TNRC18: variants seen among roughly 807,000 people sequenced by gnomAD.
TNRC18 encodes trinucleotide repeat containing 18.
TNRC18 carries 69 observed loss-of-function variants against 226.7 expected under a neutral mutation model. The ratio of observed to expected loss-of-function variants is 0.30; its 90% confidence interval spans 0.25 to 0.37. The LOEUF is 0.37. Among genes scored for constraint, TNRC18 ranks in the 10% least tolerant of loss-of-function variants. The pLI is 1.00. For missense variants in TNRC18, 4,754 were observed against 4,256.6 expected (o/e 1.12, Z -3.25); for synonymous variants, 2,449 against 1,927.6 (o/e 1.27, Z -7.09).
chr7:5,360,495 G>A (rs1028910729), intron 14 of TNRC18, among the ~76,000 whole-genome samples: 8 of 152,174 alleles, frequency 5.3e-5, no homozygotes, highest in African/African-American at 7.2e-5. Context: ...CTCCTAAAGT[G>A]CTGGGATTAC....
rs1336026527 is a variant in TNRC18 at position 5,312,653 on chromosome 7, C to T, written c.8238G>A (p.Lys2746=). ...PLQPKAQAGA[K]SRPKKREGVH... is the part of the protein sequence containing the mutation. The stretch of plus-strand genomic sequence containing the variant: ...CGCCCTCTCTCTTCTTGGGTCGGCT[C>T]TTGGCCCCGGCCTGAGCCTTGGGCT... The change falls in exon 27 of 30, where the codon AAG becomes AAA. Residue 2746 remains lysine (K), a synonymous_variant. Coordinates refer to ENST00000430969, the MANE Select transcript of TNRC18 (RefSeq NM_001080495.3). This position sits in a 1 kb window ranked among gnomAD's most constrained non-coding sequence, Gnocchi z 6.3. 6.2e-7 allele frequency: 1 copy of T among 1,608,912 alleles called. No individual in the cohort carries two copies. The highest frequency in any genetic ancestry group is 8.5e-7 in the Non-Finnish European group (1 of 1,178,764).
At position 5,371,143 on chromosome 7, in the gene TNRC18, C is replaced by T. The variant is rs773905890; in HGVS notation, c.3451G>A (p.Glu1151Lys). Residue 1151 changes from glutamate (E) to lysine (K), a missense_variant, in exon 11 of 30, where the codon GAA becomes AAA. Physicochemically the swap from Glu to Lys is moderately conservative, Grantham distance 56. Transcript: ENST00000430969. ...TTCACCTCCCGCTCAGCCAGCGGTTCTTCCTCCGGGCCCTCCCGCAGCGGC... is the reference window on the plus strand; with the variant it reads ...TTCACCTCCCGCTCAGCCAGCGGTTTTTCCTCCGGGCCCTCCCGCAGCGGC... ...TEPLREGPEE[E>K]PLAEREVKAE... 3.7e-6 allele frequency: 6 copies of T among 1,610,630 alleles called. No individual in the cohort carries two copies. The highest frequency in any genetic ancestry group is 1.3e-5 in the African/African-American group (1 of 74,882).
Position 5,353,680 on chromosome 7 carries a change from G to A in TNRC18, c.5195-1586C>T, listed in dbSNP as rs535009473. Among the ~76,000 whole-genome samples, 4 of 152,120 alleles carry A rather than the reference G, an allele frequency of 2.6e-5. No homozygotes were observed. The South Asian group carries it at 8.3e-4, about 32-fold the overall frequency. ...CGTCCAGCTCAGCAACTCCCTGCTG[G>A]ACACACCCCTACCTCCTTGTGAACC... On this transcript the variant is annotated intron_variant, in intron 16 of 29. Coordinates refer to ENST00000430969, the MANE Select transcript of TNRC18 (RefSeq NM_001080495.3).
chr7:5,353,637 C>G (rs958224240), intron 16 of TNRC18, among the ~76,000 whole-genome samples: 2 of 151,976 alleles, frequency 1.3e-5, no homozygotes, highest in African/African-American at 2.4e-5. Context: ...AAGAGGAGAC[C>G]GTTCTCGCTT....
intron 19 of TNRC18, among the ~76,000 whole-genome samples, chr7:5,330,536 G>A (rs913070142): frequency 6.6e-6 from 1 of 151,960 alleles, no homozygotes; most frequent in African/African-American, 2.4e-5. Flanking sequence ...ACCGCAGCCA[G>A]TCTGGTGCCT....
At chr7:5,400,721 C>T (rs961903616) in intron 2 of TNRC18, among the ~76,000 whole-genome samples, 2 of 152,070 alleles carry the variant, frequency 1.3e-5, no homozygotes, top group Non-Finnish European at 2.9e-5. Context: ...TTGTATGCCA[C>T]GTGAATTTCA....
At chr7:5,397,437 G>A (rs1162985175) in intron 2 of TNRC18, among the ~76,000 whole-genome samples, 1 of 152,198 alleles carries the variant, frequency 6.6e-6, no homozygotes, top group African/African-American at 2.4e-5. Context: ...GCCCACCACA[G>A]GGCTCAATGG....
At chr7:5,420,146 G>A (rs901997369) in intron 2 of TNRC18, 2 of 334,898 alleles carry the variant, frequency 6.0e-6, no homozygotes, top group East Asian at 9.6e-5. Context: ...CTGACTGGAG[G>A]GAGAGTCTCC....
chr7:5,362,529 G>T lies in TNRC18; in HGVS notation c.4395+121C>A, dbSNP rs746845492. On this transcript the variant is annotated intron_variant, in intron 12 of 29. Coordinates refer to ENST00000430969, the MANE Select transcript of TNRC18 (RefSeq NM_001080495.3). The stretch of plus-strand genomic sequence containing the variant: ...AGCACATCAGCACAAGGAGCTGAAC[G>T]TAGCTCAGGCCTCTCTGGCGCCAAA... The T allele has an allele frequency of 2.2e-4, 211 of 939,878 alleles. 1 individual carries two copies. Among genetic ancestry groups the T allele is most frequent in the Non-Finnish European group, 3.2e-4 (204 of 647,328 alleles). 58.2% of individuals were successfully genotyped at this position (939,878 alleles called of 1,614,324 possible). A position where few individuals can be genotyped will look rare whatever the true frequency, so the allele number is the denominator to read the frequency against.
At chr7:5,407,781 A>G (rs140584860) in intron 2 of TNRC18, among the ~76,000 whole-genome samples, 225 of 152,338 alleles carry the variant, frequency 1.5e-3, no homozygotes, top group African/African-American at 5.0e-3. Context: ...GCAATCACAA[A>G]GGATTTCCCC....
Position 5,313,723 on chromosome 7 carries a change from G to C in TNRC18, c.7168C>G (p.Arg2390Gly), listed in dbSNP as rs553006297. 1 of 1,581,230 alleles carries C rather than the reference G, an allele frequency of 6.3e-7. No individual in the cohort carries two copies. The highest frequency in any genetic ancestry group is 8.6e-7 in the Non-Finnish European group (1 of 1,164,068). ...GGACTGGGCTGCGGCGGTGCCGGGC[G>C]CGCCTTGGGGGCCTTGGCTCGCTTG... is the stretch of plus-strand genomic sequence containing the variant. ...VDKRAKAPKARPAPPQPSPAP... is the reference protein window; with the variant it reads ...VDKRAKAPKAGPAPPQPSPAP... The change falls in exon 27 of 30, where the codon CGC (arginine) becomes GGC (glycine). Residue 2390 changes from arginine to glycine, a missense_variant. Physicochemically the swap from Arg to Gly is moderately radical, Grantham distance 125. Transcript: ENST00000430969.
At chr7:5,373,856 G>A (rs887862413) in intron 10 of TNRC18, among the ~76,000 whole-genome samples, 199 bp downstream of exon 10, 8 of 152,160 alleles carry the variant, frequency 5.3e-5, no homozygotes, top group African/African-American at 1.9e-4. Context: ...CACTGCCGCT[G>A]AGGAGGGGCC....
At chr7:5,396,536 AAAT>A (rs983854147) in intron 2 of TNRC18, among the ~76,000 whole-genome samples, 12 of 152,082 alleles carry the variant, frequency 7.9e-5, no homozygotes, top group African/African-American at 2.2e-4. Context: ...CTCAAAATAT[AAAT>A]AATAACAATA....
intron 18 of TNRC18, among the ~76,000 whole-genome samples, chr7:5,341,005 C>T (rs1790629226): frequency 1.3e-5 from 2 of 152,110 alleles, no homozygotes; most frequent in Non-Finnish European, 2.9e-5. Flanking sequence ...CCGACTTTTG[C>T]TGGGGGCTAA....
chr7:5,418,810 G>C (rs1782352469), intron 2 of TNRC18, among the ~76,000 whole-genome samples: 1 of 152,122 alleles, frequency 6.6e-6, no homozygotes, highest in Non-Finnish European at 1.5e-5. Context: ...TGTGTAATCC[G>C]GCCCAGCCCC....
intron 19 of TNRC18, among the ~76,000 whole-genome samples, chr7:5,331,957 T>C (rs1021030402): frequency 6.6e-6 from 1 of 152,110 alleles, no homozygotes; most frequent in African/African-American, 2.4e-5. Context: ...ACTAGACCCA[T>C]TGGCAGATGT....
intron 11 of TNRC18, among the ~76,000 whole-genome samples, chr7:5,364,988 T>C (rs1793470836): frequency 6.6e-6 from 1 of 151,272 alleles, no homozygotes; most frequent in Non-Finnish European, 1.5e-5. Context: ...CAATTTTAAA[T>C]GGCCAAACGT....
rs746652016 is a variant in TNRC18, at chr7:5,376,174, G to T, written c.2659C>A (p.Pro887Thr). 1 of 1,569,702 alleles carries T rather than the reference G, an allele frequency of 6.4e-7. No homozygotes were observed. Among genetic ancestry groups the T allele is most frequent in the Admixed American group, 1.9e-5 (1 of 53,606 alleles). The change falls in exon 9 of 30, where the codon CCG (proline) becomes ACG (threonine). Residue 887 changes from proline to threonine, a missense_variant. Coordinates refer to ENST00000430969, the MANE Select transcript of TNRC18 (RefSeq NM_001080495.3). Reference protein sequence around the residue: ...TVPPLWPALYPPGRSPLHHAQ... With the variant: ...TVPPLWPALYTPGRSPLHHAQ... ...TGGTGCAGGGGGCTGCGGCCCGGCG[G>T]GTACAGGGCGGGCCAGAGGGGCGGT...
At chr7:5,354,803 C>G (rs1298113191) in intron 16 of TNRC18, among the ~76,000 whole-genome samples, 1 of 152,206 alleles carries the variant, frequency 6.6e-6, no homozygotes, top group Non-Finnish European at 1.5e-5. Flanking sequence ...CAGCTCTCTG[C>G]CCACGTAAGC....
Sources: allele counts gnomAD v4.1 joint callset (sites outside exome capture counted in the v4.1 genomes callset), GRCh38; gene constraint gnomAD v4.1.1; non-coding constraint Gnocchi (gnomAD v3.1); transcripts MANE v1.5; gene names NCBI Gene and HGNC (gene_info 2026-07-23, HGNC 2026-07-21).